The following RPL8 variants were observed in gnomAD, a reference collection of about 807,000 sequenced individuals.
RPL8 encodes ribosomal protein L8.
For synonymous variants in RPL8, 182 were observed against 143.2 expected (o/e 1.27, Z -1.94); for missense variants, 248 against 365.9 (o/e 0.68, Z 2.63).
At chr8:144,791,606 G>A (rs1027361076) in intron 2 of RPL8, 111 bp from the exon 3 acceptor site, 323 of 1,466,768 alleles carry the variant, frequency 2.2e-4, no homozygotes, top group Non-Finnish European at 2.8e-4. Context: ...CCAGCCTCCC[G>A]GTACAACTCT....
At chr8:144,790,028 C>T in intron 4 of RPL8, 66 bp from the exon 5 acceptor site, 1 of 1,503,484 alleles carries the variant, frequency 6.7e-7, no homozygotes, top group Non-Finnish European at 8.9e-7. Flanking sequence ...GCCTCGGGGT[C>T]CCACCCGTCA....
At chr8:144,791,612 ACT>A (rs1826520859) in intron 2 of RPL8, 117 bp from the exon 3 acceptor site, 10 of 1,469,154 alleles carry the variant, frequency 6.8e-6, no homozygotes, top group Non-Finnish European at 7.4e-6. Flanking sequence ...TCCCGGTACA[ACT>A]CTCTCGGCAC....
In RPL8 at chr8:144,792,103, C is replaced by A; in HGVS notation, c.27G>T (p.Arg9Ser). The A allele has an allele frequency of 6.3e-7, 1 of 1,587,766 alleles. No homozygotes were observed. The highest frequency in any genetic ancestry group is 8.5e-7 in the Non-Finnish European group (1 of 1,170,454). Residue 9 changes from arginine (R) to serine (S), a missense_variant, in exon 1 of 5, where the codon AGG (arginine) becomes AGT (serine). Arg to Ser is a moderately radical substitution (Grantham distance 110, BLOSUM62 -1). Coordinates refer to ENST00000528957, the MANE Select transcript of RPL8 (RefSeq NM_001317782.2). Reference sequence around the variant, plus strand: ...CGCGGAACACAGACCCGGCGCCCTTCCTCTGTCCACGGATCACACGGCCCA... The same window carrying A: ...CGCGGAACACAGACCCGGCGCCCTTACTCTGTCCACGGATCACACGGCCCA... MGRVIRGQRKGAGSVFRAH... is the reference protein window; with the variant it reads MGRVIRGQSKGAGSVFRAH...
chr8:144,791,381 T>A lies in RPL8; in HGVS notation c.395A>T (p.Asn132Ile). ...DRGKLARASG[N>I]YATVISHNPE... is the part of the protein sequence containing the mutation. ...GTTGTGGGAGATAACGGTGGCATAGTTCCCTGATGCCCGGGCCAGCTTGCC... is the reference window on the plus strand; with the variant it reads ...GTTGTGGGAGATAACGGTGGCATAGATCCCTGATGCCCGGGCCAGCTTGCC... The change falls in exon 3 of 5, where the codon AAC (asparagine) becomes ATC (isoleucine). Residue 132 changes from asparagine (N) to isoleucine (I), a missense_variant. By Grantham distance (149) the Asn-to-Ile change is moderately radical. Transcript: ENST00000528957. 7 of 1,613,864 alleles carry A rather than the reference T, an allele frequency of 4.3e-6. No homozygotes were observed. The highest frequency in any genetic ancestry group is 5.9e-6 in the Non-Finnish European group (7 of 1,180,010).
At chr8:144,790,934 G>A (rs193188674) in intron 3 of RPL8, 29 of 457,734 alleles carry the variant, frequency 6.3e-5, no homozygotes, top group Non-Finnish European at 1.1e-4. Flanking sequence ...TCACTCAGTA[G>A]GCGTCTTTGA....
chr8:144,791,149 A>C (rs1200463040), intron 3 of RPL8, 128 bp downstream of exon 3: 1 of 889,740 alleles, frequency 1.1e-6, no homozygotes, highest in Non-Finnish European at 1.8e-6. Flanking sequence ...GCTCAAACTT[A>C]CAGAACCCAA....
At chr8:144,791,212 G>A (rs934451351) in intron 3 of RPL8, 65 bp downstream of exon 3, 10 of 1,501,434 alleles carry the variant, frequency 6.7e-6, no homozygotes, top group Non-Finnish European at 9.2e-6. Flanking sequence ...GCCACTGGCT[G>A]TCCACCGGCA....
intron 2 of RPL8, 64 bp downstream of exon 2, chr8:144,791,709 A>C (rs1826526232): frequency 2.5e-6 from 4 of 1,606,376 alleles, no homozygotes; most frequent in Non-Finnish European, 3.4e-6. Context: ...TTAGGACGTT[A>C]ACTCCTCAGG....
rs566867535 is a variant in RPL8 at position 144,792,162 on chromosome 8, C to T, written c.-33G>A. The T allele has an allele frequency of 2.1e-6, 3 of 1,457,060 alleles. No homozygotes were observed. In the African/African-American group the frequency reaches 4.5e-5, roughly 22 times the overall value. 90.3% of individuals were successfully genotyped at this position (1,457,060 alleles called of 1,614,324 possible). A position where few individuals can be genotyped will look rare whatever the true frequency, so the allele number is the denominator to read the frequency against. ...GGTCCTGGGGGCGACTCACGATTAGCGCGGCCGGGCGGCCCGGGTACCCCC... is the reference window on the plus strand; with the variant it reads ...GGTCCTGGGGGCGACTCACGATTAGTGCGGCCGGGCGGCCCGGGTACCCCC... On this transcript the variant is annotated 5_prime_UTR_variant, in exon 1 of 5. Coordinates refer to ENST00000528957, the MANE Select transcript of RPL8 (RefSeq NM_001317782.2).
Position 144,792,184 on chromosome 8 carries a change from C to G in RPL8, c.-55G>C, listed in dbSNP as rs1826559667. 7.0e-7 allele frequency: 1 copy of G among 1,432,498 alleles called. No individual in the cohort carries two copies. Among genetic ancestry groups the G allele is most frequent in the Non-Finnish European group, 9.1e-7 (1 of 1,101,980 alleles). 88.7% of individuals were successfully genotyped at this position (1,432,498 alleles called of 1,614,324 possible). A position where few individuals can be genotyped will look rare whatever the true frequency, so the allele number is the denominator to read the frequency against. On this transcript the variant is annotated 5_prime_UTR_variant, in exon 1 of 5. Transcript: ENST00000528957. ...TAGCGCGGCCGGGCGGCCCGGGTAC[C>G]CCCGCCAGCCCGGCTTTCCGGGACC...
chr8:144,791,281 C>G lies in RPL8; in HGVS notation c.495G>C (p.Val165=). The G allele has an allele frequency of 6.2e-7, 1 of 1,611,404 alleles. No individual in the cohort carries two copies. The highest frequency in any genetic ancestry group is 8.5e-7 in the Non-Finnish European group (1 of 1,179,832). Residue 165 remains valine (V), a synonymous_variant, in exon 3 of 5, where the codon GTG becomes GTC. Transcript: ENST00000528957. The part of the protein sequence containing the change: ...KKVISSANRA[V]VGVVAGGGRI... ...CAACTGCTGCCTGATACTCACCAAC[C>G]ACAGCTCTGTTGGCTGAGGAGATAA...
chr8:144,790,457 T>C lies in RPL8; in HGVS notation c.513A>G (p.Gly171=). 1.2e-6 allele frequency: 2 copies of C among 1,612,644 alleles called. No individual in the cohort carries two copies. The highest frequency in any genetic ancestry group is 8.5e-7 in the Non-Finnish European group (1 of 1,179,946). ...AGATGGGTTTGTCAATTCGGCCACC[T>C]CCAGCCACCACACCTGTAGGGGATC... is the stretch of plus-strand genomic sequence containing the variant. ...ANRAVVGVVA[G]GGRIDKPILK... The change falls in exon 4 of 5, where the codon GGA becomes GGG. Residue 171 remains glycine, a synonymous_variant. Transcript: ENST00000528957.
chr8:144,791,116 T>C, intron 3 of RPL8, 161 bp downstream of exon 3: 1 of 666,468 alleles, frequency 1.5e-6, no homozygotes, highest in South Asian at 1.8e-5. Context: ...TGTACAGTGA[T>C]GACAACTGAG....
intron 4 of RPL8, 79 bp from the exon 5 acceptor site, chr8:144,790,041 G>A: frequency 6.8e-7 from 1 of 1,476,652 alleles, no homozygotes; most frequent in Admixed American, 2.4e-5. Flanking sequence ...ACCCGTCAGG[G>A]GCCCAATTCC....
chr8:144,792,025 A>T lies in RPL8; in HGVS notation c.105T>A (p.Ala35=). 2 of 1,609,386 alleles carry T rather than the reference A, an allele frequency of 1.2e-6. No individual in the cohort carries two copies. The highest frequency in any genetic ancestry group is 1.7e-6 in the Non-Finnish European group (2 of 1,178,378). The change falls in exon 1 of 5, where the codon GCT becomes GCA. Residue 35 remains alanine, a synonymous_variant. Transcript: ENST00000528957. ...GAARLRAVDF[A]ERHGYIKGIV... Reference sequence around the variant, plus strand: ...TGCCCTTGATGTAGCCGTGCCGCTCAGCGAAATCCACGGCGCGCAGGCGCG... The same window carrying T: ...TGCCCTTGATGTAGCCGTGCCGCTCTGCGAAATCCACGGCGCGCAGGCGCG...
chr8:144,791,233 G>A (rs781419468), intron 3 of RPL8, 44 bp downstream of exon 3: 4 of 1,581,780 alleles, frequency 2.5e-6, no homozygotes, highest in East Asian at 4.5e-5. Flanking sequence ...CTCACAGCAT[G>A]TTCACCCACA....
chr8:144,791,530 G>T (rs780778829), intron 2 of RPL8, 35 bp from the exon 3 acceptor site: 1 of 1,604,058 alleles, frequency 6.2e-7, no homozygotes. Flanking sequence ...CGTCAGCACA[G>T]TAAGAAACAA....
rs1487757875 is a variant in RPL8 at position 144,790,377 on chromosome 8, C to T, written c.593G>A (p.Arg198Gln). 6.2e-7 allele frequency: 1 copy of T among 1,614,018 alleles called. No individual in the cohort carries two copies. The highest frequency in any genetic ancestry group is 1.7e-5 in the Admixed American group (1 of 60,008). ...TACATTCATGGCCACACCCCGTACT[C>T]GTGGCCAGCAGTTCCTCTTTGCCTT... ...KYKAKRNCWP[R>Q]VRGVAMNPVE... The change falls in exon 4 of 5, where the codon CGA becomes CAA. Residue 198 changes from arginine to glutamine, a missense_variant. Arg to Gln is a conservative substitution (Grantham distance 43). Coordinates refer to ENST00000528957, the MANE Select transcript of RPL8 (RefSeq NM_001317782.2).
Position 144,791,757 on chromosome 8 carries a change from C to T in RPL8, c.280+16G>A, listed in dbSNP as rs778871074. On this transcript the variant is annotated intron_variant, in intron 2 of 4. Transcript: ENST00000528957. Reference sequence around the variant, plus strand: ...CCCTCCCCACCCCGACCTTCCTTCCCCGCCGCGATGCTAACCCTTCTTGCC... The same window carrying T: ...CCCTCCCCACCCCGACCTTCCTTCCTCGCCGCGATGCTAACCCTTCTTGCC... The T allele has an allele frequency of 4.3e-6, 7 of 1,613,136 alleles. No individual in the cohort carries two copies. The highest frequency in any genetic ancestry group is 1.3e-5 in the African/African-American group (1 of 74,910).
Sources: allele counts gnomAD v4.1 joint callset, GRCh38; gene constraint gnomAD v4.1.1; transcripts MANE v1.5; gene names NCBI Gene and HGNC (gene_info 2026-07-23, HGNC 2026-07-21).